Variants in LEPR observed in about 807,000 individuals in gnomAD.
LEPR encodes the protein OB receptor.
Under a neutral mutation model 114.7 loss-of-function variants are expected in LEPR, and 56 were observed. That is an observed-to-expected ratio of 0.49 (90% CI 0.39 to 0.61). The LOEUF (loss-of-function observed/expected upper bound fraction) is 0.61. LEPR is among the 20% of genes least tolerant of loss of function. The probability of loss-of-function intolerance (pLI) is 0.00; values close to 1 mark genes in which losing one functional copy is unlikely to be tolerated. For missense variants in LEPR, 1,202 were observed against 1,352.9 expected, an observed-to-expected ratio of 0.89 and a Z score of 1.75; for synonymous variants, 443 against 461.4, an observed-to-expected ratio of 0.96 and a Z score of 0.51.
At chr1:65,437,308 C>T (rs964355021) in intron 2 of LEPR, among the ~76,000 whole-genome samples, 2 of 151,908 alleles carry the variant, frequency 1.3e-5, no homozygotes, top group East Asian at 1.9e-4. Context: ...TGCCCAGGCT[C>T]CCTGGGCTCA....
intron 2 of LEPR, among the ~76,000 whole-genome samples, chr1:65,461,061 C>T (rs540193095): frequency 1.5e-4 from 23 of 150,898 alleles, no homozygotes; most frequent in African/African-American, 4.9e-4. Flanking sequence ...CTGCAACCTC[C>T]GTCTCCTGGG....
At chr1:65,536,065 TC>T (rs1173656076) in intron 2 of LEPR, among the ~76,000 whole-genome samples, 1 of 152,146 alleles carries the variant, frequency 6.6e-6, no homozygotes, top group Non-Finnish European at 1.5e-5. Flanking sequence ...TGGATAATAG[TC>T]CCCTCCAAAT....
intron 2 of LEPR, among the ~76,000 whole-genome samples, chr1:65,469,870 A>G (rs1470600943): frequency 6.6e-6 from 1 of 152,118 alleles, no homozygotes; most frequent in Non-Finnish European, 1.5e-5. Flanking sequence ...TCCAAGGATT[A>G]TTGCACTGAT....
At chr1:65,452,188 T>C (rs947832911) in intron 2 of LEPR, among the ~76,000 whole-genome samples, 1 of 152,190 alleles carries the variant, frequency 6.6e-6, no homozygotes, top group African/African-American at 2.4e-5. Flanking sequence ...GCTGAGACAA[T>C]GGGGTTTTCT....
At chr1:65,431,841 T>C (rs1163900471) in intron 2 of LEPR, 1 of 1,614,012 alleles carries the variant, frequency 6.2e-7, no homozygotes, top group African/African-American at 1.3e-5. Context: ...TGGCAGGCAA[T>C]GCAGTCATTT....
At chr1:65,451,753 T>C (rs947363113) in intron 2 of LEPR, among the ~76,000 whole-genome samples, 10 of 151,754 alleles carry the variant, frequency 6.6e-5, no homozygotes, top group Admixed American at 3.9e-4. Context: ...ATTGACTTGG[T>C]GATGCGGGCT....
intron 2 of LEPR, chr1:65,435,807 G>T: frequency 1.0e-6 from 1 of 981,932 alleles, no homozygotes; most frequent in Non-Finnish European, 1.2e-6. Context: ...ATAAATATTA[G>T]TTGTGCATTT....
chr1:65,454,110 C>T (rs547204938), intron 2 of LEPR, among the ~76,000 whole-genome samples: 17 of 151,242 alleles, frequency 1.1e-4, no homozygotes, highest in Admixed American at 3.3e-4. Flanking sequence ...GCAACCCCTG[C>T]CTTTTTTTGT....
intron 2 of LEPR, among the ~76,000 whole-genome samples, chr1:65,475,430 G>A (rs1201322875): frequency 6.6e-6 from 1 of 151,528 alleles, no homozygotes; most frequent in East Asian, 1.9e-4. Context: ...GAATTTGGAT[G>A]TTGAGCAGAG....
intron 8 of LEPR, among the ~76,000 whole-genome samples, chr1:65,600,289 C>T (rs1656358653): frequency 2.0e-5 from 3 of 152,086 alleles, no homozygotes; most frequent in African/African-American, 7.2e-5. Context: ...TATACTCAGT[C>T]ACGCTCATAA....
At chr1:65,572,298 T>TTG (rs1654249171) in intron 4 of LEPR, 28 bp from the exon 5 acceptor site, 2 of 1,408,618 alleles carry the variant, frequency 1.4e-6, no homozygotes, top group African/African-American at 1.7e-5. Flanking sequence ...TTGTTTTTTT[T>TTG]TTTTTTTTTT....
intron 2 of LEPR, among the ~76,000 whole-genome samples, chr1:65,475,517 C>A (rs540680170): frequency 6.6e-6 from 1 of 152,314 alleles, no homozygotes; most frequent in South Asian, 2.1e-4. Flanking sequence ...AACCCTGGAG[C>A]TGCATGGTCC....
chr1:65,427,361 G>A (rs1646399335), intron 2 of LEPR, among the ~76,000 whole-genome samples: 1 of 152,122 alleles, frequency 6.6e-6, no homozygotes, highest in African/African-American at 2.4e-5. Flanking sequence ...ATTGCTTGAA[G>A]CCAGGAGTTT....
At chr1:65,437,973 A>G (rs1441475151) in intron 2 of LEPR, among the ~76,000 whole-genome samples, 2 of 151,878 alleles carry the variant, frequency 1.3e-5, no homozygotes, top group African/African-American at 4.8e-5. Flanking sequence ...GCAGCTGGCT[A>G]AGTTATTTAT....
intron 5 of LEPR, among the ~76,000 whole-genome samples, chr1:65,588,768 C>T (rs1471815513): frequency 6.6e-6 from 1 of 152,050 alleles, no homozygotes; most frequent in African/African-American, 2.4e-5. Context: ...GTATTTCATT[C>T]GTTTTGATTG....
At chr1:65,528,087 T>C (rs751691022) in intron 2 of LEPR, among the ~76,000 whole-genome samples, 2 of 151,660 alleles carry the variant, frequency 1.3e-5, no homozygotes, top group Non-Finnish European at 2.9e-5. Flanking sequence ...ATCACTATTA[T>C]AGGAACAAAT....
intron 2 of LEPR, among the ~76,000 whole-genome samples, chr1:65,500,805 A>C (rs977757449): frequency 3.3e-5 from 5 of 152,108 alleles, no homozygotes; most frequent in Non-Finnish European, 5.9e-5. Context: ...TGGCACCCTT[A>C]ACCCCCACGT....
At chr1:65,607,884 C>T (rs1656914956) in intron 11 of LEPR, among the ~76,000 whole-genome samples, 1 of 152,190 alleles carries the variant, frequency 6.6e-6, no homozygotes, top group Non-Finnish European at 1.5e-5. Flanking sequence ...GGGAAGATAA[C>T]CTTTTTCTTT....
At chr1:65,579,172 A>G (rs541749659) in intron 5 of LEPR, among the ~76,000 whole-genome samples, 2 of 152,340 alleles carry the variant, frequency 1.3e-5, no homozygotes, top group South Asian at 4.1e-4. Flanking sequence ...ATATTGGGCA[A>G]CCAGCAAGTA....
Sources: gnomAD v4.1 joint callset for allele counts (sites outside exome capture counted in the v4.1 genomes callset) on GRCh38, gnomAD v4.1.1 for gene constraint, MANE v1.5 for transcripts, NCBI Gene and HGNC (gene_info 2026-07-23, HGNC 2026-07-21) for gene names.